The following ATRNL1 variants were observed in gnomAD, a reference collection of about 807,000 sequenced individuals.
ATRNL1 encodes attractin-like protein 1.
Under a neutral mutation model 182.7 loss-of-function variants are expected in ATRNL1, and 95 were observed. The observed-to-expected ratio is 0.52, with a 90% CI of 0.44 to 0.62. ATRNL1 has a LOEUF of 0.62. Among genes scored for constraint, ATRNL1 ranks in the 20% least tolerant of loss-of-function variants. ATRNL1 has a pLI of 0.00. For missense variants in ATRNL1, 1,471 were observed against 1,679.5 expected, an observed-to-expected ratio of 0.88 and a Z score of 2.17; for synonymous variants, 576 against 568.3, an observed-to-expected ratio of 1.01 and a Z score of -0.19.
chr10:115,544,560 C>T (rs1242334199), intron 25 of ATRNL1, among the ~76,000 whole-genome samples: 1 of 152,142 alleles, frequency 6.6e-6, no homozygotes, highest in African/African-American at 2.4e-5. Flanking sequence ...AAGTGCCACA[C>T]ATTTTTAAAT....
intron 15 of ATRNL1, among the ~76,000 whole-genome samples, chr10:115,297,084 A>G (rs1168568005): frequency 6.6e-6 from 1 of 152,104 alleles, no homozygotes; most frequent in Non-Finnish European, 1.5e-5. Context: ...GGAGTTGGCC[A>G]GCACATGAAA....
intron 28 of ATRNL1, among the ~76,000 whole-genome samples, chr10:115,890,122 A>G (rs1316623228): frequency 6.6e-6 from 1 of 152,230 alleles, no homozygotes; most frequent in Non-Finnish European, 1.5e-5. Flanking sequence ...CAAACATTAA[A>G]TCGTGAAGGT....
chr10:115,278,630 C>CAT (rs35159439), intron 13 of ATRNL1, among the ~76,000 whole-genome samples: 48,071 of 151,908 alleles, frequency 0.32, 7,920 homozygotes, highest in African/African-American at 0.39. Flanking sequence ...AGAATACACT[C>CAT]AAATTATGTT....
rs182225557 is a variant in ATRNL1 at position 115,623,327 on chromosome 10, A to G, written c.3795+73791A>G. 9.2e-5 allele frequency among the ~76,000 whole-genome samples: 14 copies of G among 152,336 alleles called. No homozygotes were observed. The East Asian group carries it at 2.3e-3, about 25-fold the overall frequency. ...GTAATGCAGAAAGTTTCAAACTGAA[A>G]TTAAAAAATTGAACCTGAAATGCCA... On this transcript the variant is annotated intron_variant, in intron 26 of 28. Coordinates refer to ENST00000355044, the MANE Select transcript of ATRNL1 (RefSeq NM_207303.4).
chr10:115,641,675 A>T (rs782428490), intron 26 of ATRNL1, among the ~76,000 whole-genome samples: 1 of 152,168 alleles, frequency 6.6e-6, no homozygotes, highest in Non-Finnish European at 1.5e-5. Context: ...AACATTAGCT[A>T]GCAACATGCT....
At chr10:115,515,734 A>G (rs1287409294) in intron 24 of ATRNL1, among the ~76,000 whole-genome samples, 2 of 151,692 alleles carry the variant, frequency 1.3e-5, no homozygotes, top group Admixed American at 6.6e-5. Flanking sequence ...TCCTTATATT[A>G]TTCTGTTTAT....
chr10:115,723,239 T>C (rs1947486532), intron 26 of ATRNL1, among the ~76,000 whole-genome samples: 1 of 152,114 alleles, frequency 6.6e-6, no homozygotes, highest in African/African-American at 2.4e-5. Context: ...GAGGAGAGAA[T>C]AGATAGGGAA....
chr10:115,320,904 C>T (rs782784280), intron 18 of ATRNL1, among the ~76,000 whole-genome samples: 11 of 151,956 alleles, frequency 7.2e-5, no homozygotes, highest in African/African-American at 1.2e-4. Context: ...TCCAGTTCTG[C>T]GCCCTTGCTG....
At chr10:115,925,921 A>C (rs143286044) in intron 28 of ATRNL1, among the ~76,000 whole-genome samples, 1 of 152,344 alleles carries the variant, frequency 6.6e-6, no homozygotes, top group South Asian at 2.1e-4. Context: ...CCTAATAGAC[A>C]TCTACAGAAC....
intron 28 of ATRNL1, among the ~76,000 whole-genome samples, chr10:115,851,317 C>G (rs578092320): frequency 1.3e-5 from 2 of 151,860 alleles, no homozygotes; most frequent in Non-Finnish European, 2.9e-5. Context: ...CAGAAATGCA[C>G]AGGAGCTAGT....
intron 19 of ATRNL1, among the ~76,000 whole-genome samples, chr10:115,377,795 A>G (rs1226018708): frequency 6.6e-6 from 1 of 152,030 alleles, no homozygotes; most frequent in African/African-American, 2.4e-5. Flanking sequence ...CATGTGGCTG[A>G]TGCTGTTTCT....
At chr10:115,374,962 G>A (rs1857592924) in intron 19 of ATRNL1, among the ~76,000 whole-genome samples, 1 of 151,078 alleles carries the variant, frequency 6.6e-6, no homozygotes, top group Non-Finnish European at 1.5e-5. Context: ...TGAATGGAAT[G>A]TTTTTTATAT....
rs530407267 is a variant in ATRNL1 at position 115,132,884 on chromosome 10, G to A, written c.829+3349G>A. On this transcript the variant is annotated intron_variant, in intron 5 of 28. Transcript: ENST00000355044. ...AATTTTCTCCCATTCTGTAGGTTGCGTTTTCACTCTGATGGTAGTTTCTTT... is the reference window on the plus strand; with the variant it reads ...AATTTTCTCCCATTCTGTAGGTTGCATTTTCACTCTGATGGTAGTTTCTTT... Among the ~76,000 whole-genome samples the A allele has an allele frequency of 1.1e-3, 170 of 152,142 alleles. 1 individual carries two copies. The highest frequency in any genetic ancestry group is 1.7e-3 in the South Asian group (8 of 4,826).
chr10:115,836,205 T>C (rs1346987807), intron 27 of ATRNL1, among the ~76,000 whole-genome samples: 1 of 152,168 alleles, frequency 6.6e-6, no homozygotes, highest in African/African-American at 2.4e-5. Context: ...TGCTATGTGA[T>C]ATGTAGCTAG....
intron 26 of ATRNL1, among the ~76,000 whole-genome samples, chr10:115,621,222 T>A (rs1402416623): frequency 6.9e-6 from 1 of 145,726 alleles, no homozygotes; most frequent in Non-Finnish European, 1.5e-5. Flanking sequence ...GCAGTTTCCT[T>A]ATAGAGTTCA....
intron 8 of ATRNL1, among the ~76,000 whole-genome samples, chr10:115,212,266 C>T (rs959256176): frequency 6.6e-5 from 10 of 150,388 alleles, no homozygotes; most frequent in Admixed American, 2.0e-4. Flanking sequence ...GAGCCTATCC[C>T]GTTAGTTTTT....
intron 28 of ATRNL1, chr10:115,909,636 AAAAAAAAAAG>A (rs1952613542): frequency 6.6e-6 from 1 of 151,528 alleles, no homozygotes; most frequent in Non-Finnish European, 1.5e-5. Context: ...AAAAAAAAAA[AAAAAAAAAAG>A]ACGAAGTGAG....
intron 28 of ATRNL1, among the ~76,000 whole-genome samples, chr10:115,922,520 C>T (rs1403635489): frequency 2.0e-5 from 3 of 152,114 alleles, no homozygotes; most frequent in Non-Finnish European, 4.4e-5. Context: ...GGATAGAGTG[C>T]AGTGGTGCAG....
Position 115,281,576 on chromosome 10 carries a change from T to C in ATRNL1, c.2233+89T>C, listed in dbSNP as rs1852363373. On this transcript the variant is annotated intron_variant, in intron 14 of 28. Transcript: ENST00000355044. The stretch of plus-strand genomic sequence containing the variant: ...TACATTTAGTAAGGACACTACATTT[T>C]CTAAAATTAAAGTCATAGTAAATAT... 3 of 1,312,426 alleles carry C rather than the reference T, an allele frequency of 2.3e-6. No homozygotes were observed. The East Asian group carries it at 7.2e-5, about 32-fold the overall frequency. 81.3% of individuals were successfully genotyped at this position (1,312,426 alleles called of 1,614,324 possible).
Sources: allele counts gnomAD v4.1 joint callset (sites outside exome capture counted in the v4.1 genomes callset), GRCh38; gene constraint gnomAD v4.1.1; transcripts MANE v1.5; gene names NCBI Gene and HGNC (gene_info 2026-07-23, HGNC 2026-07-21).